Variants in SMARCA5 observed in about 807,000 individuals in gnomAD.
SMARCA5 encodes the protein SWI/SNF-related matrix-associated actin-dependent regulator of chromatin subfamily A member 5.
SMARCA5 carries 18 observed loss-of-function variants against 140.4 expected under a neutral mutation model. The observed-to-expected ratio is 0.13, with a 90% CI of 0.09 to 0.19. SMARCA5 has a LOEUF of 0.19. SMARCA5 is among the 10% of genes least tolerant of loss of function. The probability of loss-of-function intolerance (pLI) is 1.00; values close to 1 mark genes in which losing one functional copy is unlikely to be tolerated. For missense variants in SMARCA5, 606 were observed against 1,276.8 expected, an observed-to-expected ratio of 0.47 and a Z score of 8.01; for synonymous variants, 449 against 419.6, an observed-to-expected ratio of 1.07 and a Z score of -0.86.
intron 21 of SMARCA5, 137 bp downstream of exon 21, chr4:143,547,640 A>G: frequency 1.6e-6 from 1 of 608,028 alleles, no homozygotes; most frequent in South Asian, 2.2e-5. Flanking sequence ...CAAACATGGT[A>G]TTGTCAGCAG....
chr4:143,517,463 G>C (rs748291151), intron 2 of SMARCA5, 34 bp downstream of exon 2: 1 of 1,408,572 alleles, frequency 7.1e-7, no homozygotes, highest in Non-Finnish European at 9.7e-7. Context: ...AGTCTATAAG[G>C]AAAACTTTTT....
At chr4:143,530,701 T>C (rs985434290) in intron 9 of SMARCA5, among the ~76,000 whole-genome samples, 175 bp downstream of exon 9, 1 of 152,196 alleles carries the variant, frequency 6.6e-6, no homozygotes, top group African/African-American at 2.4e-5. Context: ...TGATGTGTGG[T>C]TGTTTCAGTG....
chr4:143,544,187 G>A, intron 16 of SMARCA5: 1 of 321,880 alleles, frequency 3.1e-6, no homozygotes, highest in Non-Finnish European at 5.6e-6. Flanking sequence ...TGAAGTTTGT[G>A]GTATATGTTT....
At chr4:143,534,468 A>T (rs1737264015) in intron 9 of SMARCA5, among the ~76,000 whole-genome samples, 1 of 152,206 alleles carries the variant, frequency 6.6e-6, no homozygotes, top group Non-Finnish European at 1.5e-5. Context: ...TGTTAAATAT[A>T]CCGACCTTTT....
At chr4:143,530,354 A>C in intron 8 of SMARCA5, 104 bp from the exon 9 acceptor site, 1 of 664,994 alleles carries the variant, frequency 1.5e-6, no homozygotes, top group Non-Finnish European at 2.4e-6. Context: ...TTTGTGGGTT[A>C]CAATTCAAAT....
At chr4:143,545,016 C>T (rs1213768882) in intron 17 of SMARCA5, among the ~76,000 whole-genome samples, 169 bp downstream of exon 17, 8 of 145,016 alleles carry the variant, frequency 5.5e-5, no homozygotes, top group African/African-American at 2.1e-4. Context: ...GATCTCAGCT[C>T]ACTGCAACCT....
At chr4:143,525,581 AT>A (rs1560813827) in intron 5 of SMARCA5, 30 bp downstream of exon 5, 4 of 1,379,626 alleles carry the variant, frequency 2.9e-6, no homozygotes, top group Non-Finnish European at 2.1e-6. Flanking sequence ...TTTGAAGGGT[AT>A]GTTTTGTATT....
chr4:143,535,381 A>C (rs1737282389), intron 10 of SMARCA5, among the ~76,000 whole-genome samples: 1 of 152,206 alleles, frequency 6.6e-6, no homozygotes, highest in Non-Finnish European at 1.5e-5. Context: ...TTCAAAGGAG[A>C]GGAAATAAAT....
intron 1 of SMARCA5, among the ~76,000 whole-genome samples, chr4:143,515,371 A>G (rs920927236): frequency 1.2e-4 from 19 of 152,124 alleles, no homozygotes; most frequent in Admixed American, 3.3e-4. Flanking sequence ...CCAAATTAAA[A>G]TATATTCAGT....
At chr4:143,531,551 T>A (rs1178917001) in intron 9 of SMARCA5, among the ~76,000 whole-genome samples, 1 of 152,214 alleles carries the variant, frequency 6.6e-6, no homozygotes, top group Non-Finnish European at 1.5e-5. Flanking sequence ...GTAGCATGTT[T>A]AATAGCATCC....
rs779270625 is a variant in SMARCA5 at position 143,544,787 on chromosome 4, C to T, written c.2223C>T (p.Asn741=). The T allele has an allele frequency of 6.2e-6, 10 of 1,613,356 alleles. No individual in the cohort carries two copies. Among genetic ancestry groups the T allele is most frequent in the Non-Finnish European group, 8.5e-6 (10 of 1,179,570 alleles). Residue 741 remains asparagine, a synonymous_variant, in exon 17 of 24, where the codon AAC becomes AAT. Transcript: ENST00000283131. Reference sequence around the variant, plus strand: ...CACCTAAACGAGAAAGAAAAGCCAACTATGCCGTTGATGCATATTTCAGGG... The same window carrying T: ...CACCTAAACGAGAAAGAAAAGCCAATTATGCCGTTGATGCATATTTCAGGG... ...IEPPKRERKA[N]YAVDAYFREA... is the part of the protein sequence containing the mutation.
chr4:143,547,930 T>G lies in SMARCA5; in HGVS notation c.2775T>G (p.Ile925Met). ...AATATAAAATCTGACTTTCATAGAT[T>G]GGACGGTACAAAGCACCTTTTCATC... The part of the protein sequence containing the change: ...ISIKKALDTK[I>M]GRYKAPFHQL... Residue 925 changes from isoleucine (I) to methionine (M), a missense_variant and splice_region_variant, in exon 22 of 24, where the codon ATT becomes ATG. By Grantham distance (10) the Ile-to-Met change is conservative (BLOSUM62 1). Around this residue, in one of 10 missense-constraint regions of SMARCA5, gnomAD observed 121 missense variants for 227.1 expected, o/e 0.53. Coordinates refer to ENST00000283131, the MANE Select transcript of SMARCA5 (RefSeq NM_003601.4). The G allele has an allele frequency of 6.5e-7, 1 of 1,548,944 alleles. No homozygotes were observed. Among genetic ancestry groups the G allele is most frequent in the Non-Finnish European group, 8.8e-7 (1 of 1,141,264 alleles).
At chr4:143,516,094 CAACTT>C (rs2149815552) in intron 1 of SMARCA5, among the ~76,000 whole-genome samples, 1 of 151,654 alleles carries the variant, frequency 6.6e-6, no homozygotes, top group Non-Finnish European at 1.5e-5. Context: ...ATATATGTCA[CAACTT>C]AATCTGTTTT....
At chr4:143,516,828 C>T (rs1736851361) in intron 1 of SMARCA5, among the ~76,000 whole-genome samples, 1 of 152,006 alleles carries the variant, frequency 6.6e-6, no homozygotes, top group South Asian at 2.1e-4. Flanking sequence ...GCAAGAATAA[C>T]ATTTATTACT....
At chr4:143,531,356 A>C (rs961278808) in intron 9 of SMARCA5, among the ~76,000 whole-genome samples, 1 of 152,216 alleles carries the variant, frequency 6.6e-6, no homozygotes, top group African/African-American at 2.4e-5. Flanking sequence ...GTAGGTAGAG[A>C]AACTTCTCTA....
At chr4:143,544,936 AT>A (rs1350378636) in intron 17 of SMARCA5, 89 bp downstream of exon 17, 5 of 593,882 alleles carry the variant, frequency 8.4e-6, no homozygotes, top group Non-Finnish European at 1.4e-5. Flanking sequence ...TGATAATTAG[AT>A]TTTGTGTTTC....
chr4:143,530,955 A>G (rs1472700662), intron 9 of SMARCA5, among the ~76,000 whole-genome samples: 1 of 152,144 alleles, frequency 6.6e-6, no homozygotes, highest in African/African-American at 2.4e-5. Flanking sequence ...AGCTGGGGCT[A>G]CAGGCTCTGG....
intron 9 of SMARCA5, among the ~76,000 whole-genome samples, chr4:143,530,784 G>A (rs576725952): frequency 6.6e-6 from 1 of 152,222 alleles, no homozygotes; most frequent in Admixed American, 6.5e-5. Flanking sequence ...ACAGTGGGGG[G>A]AAGAAGAATT....
chr4:143,533,498 CTTTTTTTTTT>C (rs10580434), intron 9 of SMARCA5, among the ~76,000 whole-genome samples: 25,246 of 126,868 alleles, frequency 0.2, 1,914 homozygotes, highest in South Asian at 0.26. Context: ...CTTGTCCATT[CTTTTTTTTTT>C]TTTTTTTTTT....
Sources: gnomAD v4.1 joint callset for allele counts (sites outside exome capture counted in the v4.1 genomes callset) on GRCh38, gnomAD v4.1.1 for gene constraint, gnomAD v4.1.1 regional missense constraint, MANE v1.5 for transcripts, NCBI Gene and HGNC (gene_info 2026-07-23, HGNC 2026-07-21) for gene names.